Variants in TRIM36 observed in about 807,000 individuals in gnomAD.
The protein encoded by TRIM36 is E3 ubiquitin-protein ligase TRIM36.
In TRIM36, 42 loss-of-function variants were observed where a neutral mutation model predicts 72.4. That is an observed-to-expected ratio of 0.58 (90% CI 0.45 to 0.75). The LOEUF is 0.75. TRIM36 is among the 30% of genes least tolerant of loss of function. The pLI is 0.00. For synonymous variants in TRIM36, 315 were observed against 282.8 expected (o/e 1.11, Z -1.14); for missense variants, 913 against 857.1 (o/e 1.07, Z -0.81).
chr5:115,128,525 G>A (rs1430733095), intron 9 of TRIM36, among the ~76,000 whole-genome samples: 2 of 151,300 alleles, frequency 1.3e-5, no homozygotes, highest in African/African-American at 4.8e-5. Context: ...GGCTGAGGCG[G>A]GTGGATCATG....
chr5:115,177,489 G>A (rs1755389065), intron 1 of TRIM36: 4 of 1,244,866 alleles, frequency 3.2e-6, no homozygotes, highest in Non-Finnish European at 2.0e-6. Flanking sequence ...GAACTACAAA[G>A]TGGAACCGAA....
chr5:115,132,184 A>C (rs7713786), intron 8 of TRIM36, among the ~76,000 whole-genome samples: 8 of 140,132 alleles, frequency 5.7e-5, no homozygotes, highest in Non-Finnish European at 9.2e-5. Context: ...CTCTCTCTCT[A>C]TGTGTGTGTG....
At chr5:115,153,124 T>C (rs752813116) in intron 2 of TRIM36, among the ~76,000 whole-genome samples, 8 of 152,114 alleles carry the variant, frequency 5.3e-5, no homozygotes, top group Non-Finnish European at 7.3e-5. Context: ...CAACCAACTA[T>C]CTGCTGCCTT....
intron 2 of TRIM36, among the ~76,000 whole-genome samples, chr5:115,150,305 C>A (rs1222331093): frequency 1.3e-5 from 2 of 152,150 alleles, no homozygotes; most frequent in Non-Finnish European, 2.9e-5. Context: ...CCATTAGCCA[C>A]ATGTGACTTT....
At position 115,144,620 on chromosome 5, in the gene TRIM36, C is replaced by G. The variant is rs201683075; in HGVS notation, c.713G>C (p.Ser238Thr). Residue 238 changes from serine to threonine, a missense_variant, in exon 4 of 10, where the codon AGC (serine) becomes ACC (threonine). Transcript: ENST00000513154. Reference protein sequence around the residue: ...NHANHRVTTMSSAYKTLKEKL... With the variant: ...NHANHRVTTMTSAYKTLKEKL... ...TACCTTTAAGGTTTTGTAGGCACTG[C>G]TCATAGTGGTTACACGGTGGTTGGC... The G allele has an allele frequency of 6.2e-7, 1 of 1,613,986 alleles. No individual in the cohort carries two copies. The highest frequency in any genetic ancestry group is 8.5e-7 in the Non-Finnish European group (1 of 1,180,004).
intron 5 of TRIM36, among the ~76,000 whole-genome samples, chr5:115,140,785 T>G (rs947722844): frequency 6.6e-6 from 1 of 152,170 alleles, no homozygotes; most frequent in Non-Finnish European, 1.5e-5. Context: ...GGCATGTGGG[T>G]AGATCCCACT....
At chr5:115,141,432 C>A in intron 4 of TRIM36, 58 bp from the exon 5 acceptor site, 1 of 1,298,478 alleles carries the variant, frequency 7.7e-7, no homozygotes, top group South Asian at 1.4e-5. Context: ...AAAGACTTTG[C>A]AGAATTTTTT....
chr5:115,146,832 A>G (rs922063907), intron 3 of TRIM36, among the ~76,000 whole-genome samples: 1 of 152,186 alleles, frequency 6.6e-6, no homozygotes, highest in African/African-American at 2.4e-5. Flanking sequence ...TTATTGTATT[A>G]TATCACACTG....
intron 1 of TRIM36, chr5:115,177,144 G>A (rs904003959): frequency 2.7e-4 from 41 of 152,382 alleles, no homozygotes; most frequent in African/African-American, 9.7e-4. Context: ...TGCTGCCACT[G>A]GGGAAGGAAT....
chr5:115,125,308 A>AAAC lies in TRIM36; in HGVS notation c.*1192_*1194dup, dbSNP rs982797031. On this transcript the variant is annotated 3_prime_UTR_variant, in exon 10 of 10. Coordinates refer to ENST00000513154, the MANE Select transcript of TRIM36 (RefSeq NM_001300759.2). ...CCTACTTGAAAGCAACACCTTTCAA[A>AAAC]AACAGACACACAATTTAGATAGAAT... The AAAC allele has an allele frequency of 6.6e-6, 1 of 152,186 alleles. No individual in the cohort carries two copies. Among genetic ancestry groups the AAAC allele is most frequent in the African/African-American group, 2.4e-5 (1 of 41,472 alleles). The allele number at this position is 152,186 out of a possible 1,614,324, so 9.4% of individuals were successfully genotyped here.
In TRIM36 at chr5:115,163,656, G is replaced by T. The variant is rs1177886834; in HGVS notation, c.124C>A (p.His42Asn). The change falls in exon 2 of 10, where the codon CAT (histidine) becomes AAT (asparagine). Residue 42 changes from histidine to asparagine, a missense_variant. Transcript: ENST00000513154. ...AGCAGGAGTTCTTTTACACATTTAT[G>T]ACAGATACTATGTTGGCAAGGGAGA... ...LILPCQHSIC[H>N]KCVKELLLTL... 1.9e-6 allele frequency: 3 copies of T among 1,614,162 alleles called. No individual in the cohort carries two copies.
intron 4 of TRIM36, among the ~76,000 whole-genome samples, chr5:115,144,264 C>T (rs1028140127): frequency 6.6e-6 from 1 of 152,104 alleles, no homozygotes; most frequent in African/African-American, 2.4e-5. Context: ...ACAGCCACAA[C>T]CCTTTAAAGT....
intron 5 of TRIM36, 69 bp from the exon 6 acceptor site, chr5:115,137,685 T>C: frequency 6.8e-7 from 1 of 1,467,608 alleles, no homozygotes; most frequent in Non-Finnish European, 9.0e-7. Context: ...TAAACCCAAA[T>C]GGCTTTCCAC....
chr5:115,160,205 T>TA (rs1380976876), intron 2 of TRIM36, among the ~76,000 whole-genome samples: 1 of 151,700 alleles, frequency 6.6e-6, no homozygotes, highest in African/African-American at 2.4e-5. Context: ...AGGTACCCTT[T>TA]AAAAAAAACT....
rs549020015 is a variant in TRIM36 at position 115,126,926 on chromosome 5, G to A, written c.1797-69C>T. 1.0e-4 allele frequency: 140 copies of A among 1,403,976 alleles called. 2 individuals are homozygous for A. In the Middle Eastern group the frequency reaches 1.1e-3, roughly 11 times the overall value. The allele number at this position is 1,403,976 out of a possible 1,614,324, so 87.0% of individuals were successfully genotyped here. A position where few individuals can be genotyped will look rare whatever the true frequency, so the allele number is the denominator to read the frequency against. ...AAGTATCTTCAAAACATTTTCACAG[G>A]ATAATATACATTGATGTAAAGTTAA... On this transcript the variant is annotated intron_variant, in intron 9 of 9. Transcript: ENST00000513154.
intron 2 of TRIM36, chr5:115,153,737 C>T (rs184690160): frequency 6.5e-4 from 99 of 152,420 alleles, no homozygotes; most frequent in African/African-American, 2.3e-3. Flanking sequence ...AACTCCTGAC[C>T]TCAGGTGATC....
Position 115,165,787 on chromosome 5 carries a change from C to T in TRIM36, c.28-2035G>A, listed in dbSNP as rs567310727. Reference sequence around the variant, plus strand: ...GTGGACTAGGGCATTCCTATGCTCTCGGGGGCCCAGGATGCCTCTCTTCCC... The same window carrying T: ...GTGGACTAGGGCATTCCTATGCTCTTGGGGGCCCAGGATGCCTCTCTTCCC... On this transcript the variant is annotated intron_variant, in intron 1 of 9. Transcript: ENST00000513154. 3.3e-5 allele frequency among the ~76,000 whole-genome samples: 5 copies of T among 152,240 alleles called. No individual in the cohort carries two copies. The East Asian group carries it at 7.7e-4, about 24-fold the overall frequency.
intron 5 of TRIM36, among the ~76,000 whole-genome samples, chr5:115,138,351 G>A (rs998476668): frequency 5.9e-5 from 9 of 151,940 alleles, no homozygotes; most frequent in Non-Finnish European, 1.2e-4. Flanking sequence ...AACCCGCCTC[G>A]GCCTCCCAAA....
intron 7 of TRIM36, among the ~76,000 whole-genome samples, chr5:115,136,157 C>T (rs549772534): frequency 8.6e-5 from 13 of 152,032 alleles, no homozygotes; most frequent in Admixed American, 4.6e-4. Flanking sequence ...AAGTCCTAAC[C>T]CCCAGTACGT....
Sources: gnomAD v4.1 joint callset for allele counts (sites outside exome capture counted in the v4.1 genomes callset) on GRCh38, gnomAD v4.1.1 for gene constraint, MANE v1.5 for transcripts, NCBI Gene and HGNC (gene_info 2026-07-23, HGNC 2026-07-21) for gene names.